The following MEIKIN variants were observed in gnomAD, a reference collection of about 807,000 sequenced individuals.
MEIKIN encodes the protein meiotic kinetochore factor, also known as meiosis-specific kinetochore protein.
rs1467830123 is a variant in MEIKIN at position 131,921,979 on chromosome 5, C to T, written c.479-38G>A. ...AGAAGAAATAGTGTAAGACTTTGAA[C>T]AACAGCCTACAAATGATGGGTTACT... is the stretch of plus-strand genomic sequence containing the variant. On this transcript the variant is annotated intron_variant, in intron 5 of 12. Coordinates refer to ENST00000442687, the MANE Select transcript of MEIKIN (RefSeq NM_001303622.2). 5.5e-5 allele frequency: 22 copies of T among 398,546 alleles called. No individual in the cohort carries two copies. The East Asian group carries it at 6.4e-4, about 12-fold the overall frequency. The allele number at this position is 398,546 out of a possible 1,614,324, so 24.7% of individuals were successfully genotyped here.
At chr5:131,839,170 T>A (rs1339632576) in intron 11 of MEIKIN, among the ~76,000 whole-genome samples, 1 of 152,196 alleles carries the variant, frequency 6.6e-6, no homozygotes, top group African/African-American at 2.4e-5. Flanking sequence ...TTTGAACTAT[T>A]TTATTTGTCT....
chr5:131,874,952 G>A (rs541040485), intron 9 of MEIKIN, among the ~76,000 whole-genome samples: 2 of 152,284 alleles, frequency 1.3e-5, no homozygotes, highest in South Asian at 4.1e-4. Context: ...AACACTTCAT[G>A]CTAAAAACTC....
intron 9 of MEIKIN, among the ~76,000 whole-genome samples, chr5:131,870,244 C>T (rs1750462922): frequency 6.6e-6 from 1 of 152,142 alleles, no homozygotes; most frequent in South Asian, 2.1e-4. Flanking sequence ...TCAAAAATAA[C>T]ATAGACACAC....
intron 11 of MEIKIN, among the ~76,000 whole-genome samples, chr5:131,847,583 T>C (rs79200207): frequency 1.3e-5 from 2 of 152,090 alleles, no homozygotes; most frequent in Non-Finnish European, 2.9e-5. Flanking sequence ...GACAGTTCTA[T>C]AATAATAGTT....
At chr5:131,815,475 C>A (rs957621953) in intron 12 of MEIKIN, among the ~76,000 whole-genome samples, 1 of 152,210 alleles carries the variant, frequency 6.6e-6, no homozygotes, top group African/African-American at 2.4e-5. Flanking sequence ...TCTTCCTGTT[C>A]TCATAATTTT....
intron 11 of MEIKIN, among the ~76,000 whole-genome samples, chr5:131,837,956 G>A (rs1306724978): frequency 2.6e-5 from 4 of 152,036 alleles, no homozygotes; most frequent in African/African-American, 7.2e-5. Context: ...CAAGGGTAGT[G>A]CTTCTGTTTT....
At chr5:131,848,040 G>A (rs1750047853) in intron 11 of MEIKIN, among the ~76,000 whole-genome samples, 1 of 152,080 alleles carries the variant, frequency 6.6e-6, no homozygotes, top group Admixed American at 6.5e-5. Flanking sequence ...TGCTTAAAGG[G>A]AAATTTATGG....
chr5:131,853,751 A>G (rs1037432294), intron 10 of MEIKIN, among the ~76,000 whole-genome samples: 1 of 152,214 alleles, frequency 6.6e-6, no homozygotes, highest in Non-Finnish European at 1.5e-5. Flanking sequence ...AAAGATGCTC[A>G]GTGTCATCCT....
intron 9 of MEIKIN, among the ~76,000 whole-genome samples, chr5:131,874,958 A>C (rs1017665192): frequency 1.3e-5 from 2 of 152,240 alleles, no homozygotes; most frequent in African/African-American, 4.8e-5. Context: ...TCATGCTAAA[A>C]ACTCTCAATA....
chr5:131,860,996 C>G (rs912800918), intron 9 of MEIKIN, among the ~76,000 whole-genome samples: 1 of 148,944 alleles, frequency 6.7e-6, no homozygotes, highest in Non-Finnish European at 1.5e-5. Context: ...CTCTTGGCCT[C>G]AAGTGATTGC....
chr5:131,930,415 T>C (rs983330905), intron 5 of MEIKIN, among the ~76,000 whole-genome samples: 8 of 152,174 alleles, frequency 5.3e-5, no homozygotes, highest in African/African-American at 1.4e-4. Context: ...AGTTTGCAAA[T>C]ATTTTCTCCC....
At chr5:131,923,003 T>C (rs980017988) in intron 5 of MEIKIN, among the ~76,000 whole-genome samples, 1 of 152,164 alleles carries the variant, frequency 6.6e-6, no homozygotes, top group African/African-American at 2.4e-5. Context: ...GTGATTCTCC[T>C]GCCTCAGACT....
intron 12 of MEIKIN, among the ~76,000 whole-genome samples, chr5:131,807,709 G>A (rs535007004): frequency 3.9e-5 from 6 of 152,322 alleles, no homozygotes; most frequent in South Asian, 4.1e-4. Flanking sequence ...GTTCCATCCC[G>A]AAGACAGGAT....
intron 6 of MEIKIN, among the ~76,000 whole-genome samples, chr5:131,919,088 C>A (rs1346954874): frequency 6.6e-6 from 1 of 152,226 alleles, no homozygotes; most frequent in East Asian, 1.9e-4. Flanking sequence ...GGCCAATATT[C>A]TTCAAATAAA....
chr5:131,938,252 C>T (rs1372922063), intron 4 of MEIKIN, among the ~76,000 whole-genome samples: 1 of 150,980 alleles, frequency 6.6e-6, no homozygotes, highest in African/African-American at 2.4e-5. Context: ...CTACAACCTC[C>T]ACCTCCCAGG....
chr5:131,861,320 TG>T (rs1303912656), intron 9 of MEIKIN, among the ~76,000 whole-genome samples: 2 of 151,020 alleles, frequency 1.3e-5, no homozygotes, highest in Non-Finnish European at 3.0e-5. Flanking sequence ...ACCCGGGAGG[TG>T]GAGGTTGCAG....
intron 8 of MEIKIN, among the ~76,000 whole-genome samples, chr5:131,904,785 T>C (rs1008508797): frequency 2.0e-5 from 3 of 152,170 alleles, no homozygotes; most frequent in African/African-American, 7.2e-5. Flanking sequence ...ATGTGGCACA[T>C]ATACACCATG....
chr5:131,866,773 GA>G (rs1750392978), intron 9 of MEIKIN, among the ~76,000 whole-genome samples: 1 of 152,172 alleles, frequency 6.6e-6, no homozygotes, highest in Non-Finnish European at 1.5e-5. Flanking sequence ...AGGTAATCAT[GA>G]GGAAGTGAAG....
intron 9 of MEIKIN, among the ~76,000 whole-genome samples, chr5:131,860,064 C>T (rs146345749): frequency 4.5e-4 from 68 of 152,076 alleles, no homozygotes; most frequent in East Asian, 4.5e-3. Flanking sequence ...TGAATTTTAG[C>T]GTTGTTTTTT....
Sources: allele counts gnomAD v4.1 joint callset (sites outside exome capture counted in the v4.1 genomes callset), GRCh38; gene constraint gnomAD v4.1.1; transcripts MANE v1.5; gene names NCBI Gene and HGNC (gene_info 2026-07-23, HGNC 2026-07-21).